The following SEMA6D variants were observed in gnomAD, a reference collection of about 807,000 sequenced individuals.
SEMA6D encodes the protein semaphorin 6D.
Under a neutral mutation model 106.6 loss-of-function variants are expected in SEMA6D, and 35 were observed. The ratio of observed to expected loss-of-function variants is 0.33; its 90% CI spans 0.25 to 0.44. The LOEUF (loss-of-function observed/expected upper bound fraction) is 0.44. Among genes scored for constraint, SEMA6D ranks in the 20% least tolerant of loss-of-function variants. The pLI, the probability that SEMA6D is intolerant of heterozygous loss-of-function variation, is 1.00. For missense variants in SEMA6D, 1,185 were observed against 1,345.9 expected (o/e 0.88, Z 1.87); for synonymous variants, 499 against 487.7 (o/e 1.02, Z -0.31).
At position 47,542,392 on chromosome 15, in the gene SEMA6D, C is replaced by T. The variant is rs183904947; in HGVS notation, c.-86-58473C>T. The stretch of plus-strand genomic sequence containing the variant: ...TCTCCATTATGCTATAGGTGCTACT[C>T]CTTTGAGCAGACCATAGAAATGTGT... On this transcript the variant is annotated intron_variant, in intron 3 of 19. Coordinates refer to the SEMA6D transcript ENST00000558014. Among the ~76,000 whole-genome samples the T allele has an allele frequency of 1.9e-3, 295 of 152,260 alleles. 4 individuals are homozygous for T. The highest frequency in any genetic ancestry group is 5.1e-4 in the Non-Finnish European group (35 of 68,018).
intron 2 of SEMA6D, among the ~76,000 whole-genome samples, chr15:47,444,799 T>C (rs2041980298): frequency 1.3e-5 from 2 of 152,074 alleles, no homozygotes; most frequent in East Asian, 1.9e-4. Context: ...CTGAAGCCCA[T>C]GTGGGCATGT....
chr15:47,747,404 T>C (rs1366765832), intron 1 of SEMA6D, among the ~76,000 whole-genome samples: 2 of 152,218 alleles, frequency 1.3e-5, no homozygotes, highest in African/African-American at 4.8e-5. Context: ...TCAGTTCCTT[T>C]CTGAATTATT....
intron 4 of SEMA6D, among the ~76,000 whole-genome samples, chr15:47,668,882 T>A (rs1197586942): frequency 1.3e-5 from 2 of 152,188 alleles, no homozygotes; most frequent in African/African-American, 4.8e-5. Flanking sequence ...CCTTGTGTAC[T>A]GGCAGGAAAT....
chr15:47,544,947 A>G (rs1024389232), intron 3 of SEMA6D, among the ~76,000 whole-genome samples: 2 of 152,164 alleles, frequency 1.3e-5, no homozygotes, highest in African/African-American at 4.8e-5. Context: ...AGAGATAACT[A>G]TATGAAAATT....
chr15:47,258,392 G>A (rs954433846), intron 1 of SEMA6D, among the ~76,000 whole-genome samples: 15 of 152,150 alleles, frequency 9.9e-5, no homozygotes, highest in African/African-American at 3.6e-4. Context: ...TCCAGAAAAG[G>A]CTAGCATTTG....
intron 4 of SEMA6D, among the ~76,000 whole-genome samples, chr15:47,636,941 C>T (rs552059750): frequency 6.6e-6 from 1 of 152,258 alleles, no homozygotes; most frequent in South Asian, 2.1e-4. Flanking sequence ...TATGTGAACA[C>T]ACTTAGTAGG....
chr15:47,374,414 G>C (rs540068575), intron 1 of SEMA6D, among the ~76,000 whole-genome samples: 13 of 152,236 alleles, frequency 8.5e-5, no homozygotes, highest in South Asian at 2.1e-4. Context: ...TTCTCCATTC[G>C]TTAGGGGGAG....
At chr15:47,482,679 G>A (rs1395860117) in intron 3 of SEMA6D, among the ~76,000 whole-genome samples, 1 of 152,088 alleles carries the variant, frequency 6.6e-6, no homozygotes, top group Admixed American at 6.6e-5. Context: ...TGATGAGTAG[G>A]AAATGAGTGA....
At chr15:47,259,035 A>T (rs988274820) in intron 1 of SEMA6D, among the ~76,000 whole-genome samples, 2 of 152,198 alleles carry the variant, frequency 1.3e-5, no homozygotes, top group Admixed American at 6.5e-5. Flanking sequence ...CAGTATATAT[A>T]TGTGATTTAC....
chr15:47,645,292 G>A (rs539507925), intron 4 of SEMA6D, among the ~76,000 whole-genome samples: 42 of 152,272 alleles, frequency 2.8e-4, no homozygotes, highest in South Asian at 2.3e-3. Flanking sequence ...GCACCAGGGT[G>A]AGCACAGGCC....
chr15:47,242,432 C>T (rs1441289923), intron 1 of SEMA6D, among the ~76,000 whole-genome samples: 1 of 152,146 alleles, frequency 6.6e-6, no homozygotes, highest in Non-Finnish European at 1.5e-5. Context: ...GAATTTTCCT[C>T]CCAGTTGTTC....
intron 1 of SEMA6D, among the ~76,000 whole-genome samples, chr15:47,388,173 GCAAA>G (rs898444047): frequency 6.6e-6 from 1 of 152,110 alleles, no homozygotes; most frequent in African/African-American, 2.4e-5. Flanking sequence ...GTTGTTAAGA[GCAAA>G]CAAACAATCA....
At chr15:47,707,157 C>G (rs972756950) in intron 4 of SEMA6D, among the ~76,000 whole-genome samples, 8 of 152,136 alleles carry the variant, frequency 5.3e-5, no homozygotes, top group African/African-American at 1.9e-4. Context: ...CATTTCAAAT[C>G]AAGTAAAATG....
chr15:47,334,439 C>G (rs958517082), intron 1 of SEMA6D, among the ~76,000 whole-genome samples: 1 of 152,188 alleles, frequency 6.6e-6, no homozygotes, highest in Non-Finnish European at 1.5e-5. Context: ...GTCTTAAGGA[C>G]TGAGCCCTCA....
chr15:47,333,044 A>G (rs940056826), intron 1 of SEMA6D, among the ~76,000 whole-genome samples: 17 of 152,226 alleles, frequency 1.1e-4, no homozygotes, highest in Admixed American at 9.8e-4. Context: ...ATAGTAAGAT[A>G]AGAACTTGTT....
chr15:47,314,466 C>T (rs1386910823), intron 1 of SEMA6D, among the ~76,000 whole-genome samples: 4 of 147,932 alleles, frequency 2.7e-5, no homozygotes, highest in African/African-American at 9.8e-5. Context: ...GGCGTAGTGG[C>T]GGGCGCCTGT....
At chr15:47,381,315 A>T (rs758140244) in intron 1 of SEMA6D, among the ~76,000 whole-genome samples, 3 of 152,236 alleles carry the variant, frequency 2.0e-5, no homozygotes, top group African/African-American at 4.8e-5. Flanking sequence ...TCATTACTGG[A>T]AACAGCCAAC....
chr15:47,748,940 G>A (rs887431197), intron 1 of SEMA6D, among the ~76,000 whole-genome samples: 1 of 151,422 alleles, frequency 6.6e-6, no homozygotes, highest in Non-Finnish European at 1.5e-5. Flanking sequence ...GAAGCAATGG[G>A]ATGTACTGAC....
intron 1 of SEMA6D, among the ~76,000 whole-genome samples, chr15:47,379,034 A>AT (rs1366394044): frequency 6.6e-6 from 1 of 152,262 alleles, no homozygotes; most frequent in African/African-American, 2.4e-5. Context: ...ATGTTGGAAG[A>AT]TTTTTTCTGC....
Sources: gnomAD v4.1 joint callset for allele counts (sites outside exome capture counted in the v4.1 genomes callset) on GRCh38, gnomAD v4.1.1 for gene constraint, MANE v1.5 for transcripts, NCBI Gene and HGNC (gene_info 2026-07-23, HGNC 2026-07-21) for gene names.